MAGI2: variants seen among roughly 807,000 people sequenced by gnomAD.
The protein encoded by MAGI2 is membrane associated guanylate kinase, WW and PDZ domain containing 2, also known as membrane-associated guanylate kinase, WW and PDZ domain-containing protein 2.
MAGI2 carries 35 observed loss-of-function variants against 133.3 expected under a neutral mutation model. The ratio of observed to expected loss-of-function variants is 0.26; its 90% CI spans 0.20 to 0.35. MAGI2 has a LOEUF of 0.35. Among genes scored for constraint, MAGI2 ranks in the 10% least tolerant of loss-of-function variants. The pLI is 1.00. For synonymous variants in MAGI2, 729 were observed against 710.6 expected, an observed-to-expected ratio of 1.03 and a Z score of -0.41; for missense variants, 1,636 against 1,863.4, an observed-to-expected ratio of 0.88 and a Z score of 2.25.
chr7:78,971,616 C>T (rs926608346), intron 2 of MAGI2, among the ~76,000 whole-genome samples: 2 of 151,870 alleles, frequency 1.3e-5, no homozygotes, highest in African/African-American at 4.8e-5. Flanking sequence ...AACTATAAAT[C>T]CTGTTTTATG....
At chr7:79,388,062 G>T (rs1444884253) in intron 1 of MAGI2, among the ~76,000 whole-genome samples, 1 of 151,716 alleles carries the variant, frequency 6.6e-6, no homozygotes, top group Non-Finnish European at 1.5e-5. Context: ...TAGAAAACCT[G>T]CAATTTGAAA....
chr7:79,251,658 C>A (rs1014180387), intron 1 of MAGI2, among the ~76,000 whole-genome samples: 1 of 152,052 alleles, frequency 6.6e-6, no homozygotes, highest in African/African-American at 2.4e-5. Context: ...AATACAATCA[C>A]TATAGAGAAT....
intron 2 of MAGI2, among the ~76,000 whole-genome samples, chr7:78,692,492 G>A (rs1297223987): frequency 1.3e-5 from 2 of 152,090 alleles, no homozygotes. Context: ...TGTTCATTCA[G>A]TAAGTCTGCT....
intron 4 of MAGI2, among the ~76,000 whole-genome samples, chr7:78,505,976 T>C (rs1305956401): frequency 6.6e-6 from 1 of 151,786 alleles, no homozygotes; most frequent in East Asian, 1.9e-4. Flanking sequence ...TGAGGCTCTA[T>C]CAGGCATGCT....
chr7:79,439,913 A>G (rs73147480), intron 1 of MAGI2, among the ~76,000 whole-genome samples: 15 of 152,004 alleles, frequency 9.9e-5, no homozygotes, highest in Non-Finnish European at 1.8e-4. Flanking sequence ...CACGATTTCC[A>G]GTTTTTCACT....
chr7:79,339,278 T>C (rs117155422), intron 1 of MAGI2, among the ~76,000 whole-genome samples: 1,612 of 152,190 alleles, frequency 0.011, 19 homozygotes, highest in Middle Eastern at 0.095. Flanking sequence ...TTTTTAAAAA[T>C]AATGTTTATT....
intron 20 of MAGI2, 92 bp from the exon 21 acceptor site, chr7:78,079,177 T>A: frequency 7.8e-7 from 1 of 1,274,456 alleles, no homozygotes; most frequent in Non-Finnish European, 1.1e-6. Flanking sequence ...CTAGATGACC[T>A]GAGAGCATCC....
At chr7:78,028,107 C>G (rs147769271) in intron 21 of MAGI2, among the ~76,000 whole-genome samples, 8 of 152,300 alleles carry the variant, frequency 5.3e-5, no homozygotes, top group African/African-American at 1.9e-4. Flanking sequence ...TCTGTTCAGC[C>G]ATCACTAAGG....
chr7:78,510,010 A>C (rs936377660), intron 4 of MAGI2, among the ~76,000 whole-genome samples: 2 of 152,170 alleles, frequency 1.3e-5, no homozygotes, highest in Admixed American at 6.6e-5. Context: ...AAATCCAATA[A>C]TTTTTTCTCC....
At position 78,747,203 on chromosome 7, in the gene MAGI2, C is replaced by G. The variant is rs1823004992; in HGVS notation, c.419-119964G>C. 2.6e-5 allele frequency among the ~76,000 whole-genome samples: 4 copies of G among 152,116 alleles called. No homozygotes were observed. The South Asian group carries it at 8.3e-4, about 32-fold the overall frequency. ...ATGCAAATAAGCTATCTTTATAATA[C>G]TGACCTGGTACTATTGATTTCTCTC... On this transcript the variant is annotated intron_variant, in intron 2 of 21. Coordinates refer to ENST00000354212, the MANE Select transcript of MAGI2 (RefSeq NM_012301.4).
At chr7:78,261,207 T>C (rs748262555) in intron 9 of MAGI2, among the ~76,000 whole-genome samples, 1 of 152,134 alleles carries the variant, frequency 6.6e-6, no homozygotes, top group Non-Finnish European at 1.5e-5. Context: ...CAACTTATCT[T>C]TGTCTTCACC....
At chr7:78,821,687 A>G in intron 2 of MAGI2, among the ~76,000 whole-genome samples, 1 of 151,956 alleles carries the variant, frequency 6.6e-6, no homozygotes, top group East Asian at 1.9e-4. Context: ...CTCTTTTTCT[A>G]TTTTTATTTC....
intron 2 of MAGI2, among the ~76,000 whole-genome samples, chr7:78,923,154 A>T (rs562794045): frequency 8.5e-5 from 13 of 152,112 alleles, no homozygotes; most frequent in East Asian, 5.8e-4. Flanking sequence ...GCCTGTTCAC[A>T]CTGATGGTAG....
intron 21 of MAGI2, among the ~76,000 whole-genome samples, chr7:78,075,376 CTTTTTTTT>C (rs34396344): frequency 7.9e-6 from 1 of 126,522 alleles, no homozygotes; most frequent in African/African-American, 3.1e-5. Flanking sequence ...TGTAATAAAT[CTTTTTTTT>C]TTTTTTTTTT....
chr7:79,108,761 G>A (rs1818655338), intron 1 of MAGI2, among the ~76,000 whole-genome samples: 1 of 152,234 alleles, frequency 6.6e-6, no homozygotes, highest in Non-Finnish European at 1.5e-5. Flanking sequence ...GTGATCCCCA[G>A]TGTTGGAGGT....
intron 2 of MAGI2, among the ~76,000 whole-genome samples, chr7:78,875,257 T>C (rs1584243947): frequency 6.6e-6 from 1 of 152,150 alleles, no homozygotes; most frequent in South Asian, 2.1e-4. Context: ...CCTTTATTGA[T>C]TGGGTGCATT....
chr7:79,250,169 C>G (rs1374928449), intron 1 of MAGI2, among the ~76,000 whole-genome samples: 1 of 151,836 alleles, frequency 6.6e-6, no homozygotes, highest in Non-Finnish European at 1.5e-5. Flanking sequence ...TATAAAACAG[C>G]CCCAAAGTTA....
chr7:78,195,221 A>G (rs1019452906), intron 11 of MAGI2, among the ~76,000 whole-genome samples, 158 bp from the exon 12 acceptor site: 6 of 152,218 alleles, frequency 3.9e-5, no homozygotes, highest in African/African-American at 1.2e-4. Flanking sequence ...TTTTATGTCT[A>G]TGTAAGACAA....
chr7:79,197,959 C>A (rs1258871088), intron 1 of MAGI2, among the ~76,000 whole-genome samples: 1 of 151,850 alleles, frequency 6.6e-6, no homozygotes, highest in South Asian at 2.1e-4. Context: ...AAAACCATAG[C>A]AAGAGGGCTG....
Sources: gnomAD v4.1 joint callset for allele counts (sites outside exome capture counted in the v4.1 genomes callset) on GRCh38, gnomAD v4.1.1 for gene constraint, MANE v1.5 for transcripts, NCBI Gene and HGNC (gene_info 2026-07-23, HGNC 2026-07-21) for gene names.